Variants in U2AF2 observed in about 807,000 individuals in gnomAD.
U2AF2 encodes U2 small nuclear RNA auxiliary factor 2.
U2AF2 carries 6 observed loss-of-function variants against 52.6 expected under a neutral mutation model. That is an observed-to-expected ratio of 0.11 (90% CI 0.06 to 0.23). The LOEUF (loss-of-function observed/expected upper bound fraction) is 0.23, where lower values mean the gene tolerates loss of function less well. Ranked by LOEUF, U2AF2 falls within the 10% of genes least tolerant of loss-of-function variation. U2AF2 has a pLI of 1.00. For synonymous variants in U2AF2, 284 were observed against 258.2 expected (o/e 1.10, Z -0.96); for missense variants, 222 against 677.1 (o/e 0.33, Z 7.46).
At chr19:55,662,262 C>T (rs1303741887) in intron 5 of U2AF2, 2 of 434,500 alleles carry the variant, frequency 4.6e-6, no homozygotes, top group Non-Finnish European at 8.3e-6. Flanking sequence ...AACGCCTGTC[C>T]ATCGCCTGCC....
Position 55,663,656 on chromosome 19 carries a change from C to T in U2AF2, c.654C>T (p.Ile218=). ...TTQAMAFDGI[I]FQGQSLKIRR... ...AGGCTATGGCCTTTGATGGCATCAT[C>T]TTCCAGGGCCAGTCACTAAAGATCC... Residue 218 remains isoleucine, a synonymous_variant, in exon 7 of 12, where the codon ATC becomes ATT. Transcript: ENST00000308924. 1.2e-6 allele frequency: 2 copies of T among 1,614,176 alleles called. No individual in the cohort carries two copies. The highest frequency in any genetic ancestry group is 1.1e-5 in the South Asian group (1 of 91,088).
At chr19:55,662,208 T>G in intron 5 of U2AF2, 1 of 314,542 alleles carries the variant, frequency 3.2e-6, no homozygotes, top group Non-Finnish European at 5.9e-6. Context: ...TTGAACAATC[T>G]TCTCCTTTCC....
At chr19:55,662,651 CGT>C in intron 6 of U2AF2, 33 bp downstream of exon 6, 1 of 1,585,540 alleles carries the variant, frequency 6.3e-7, no homozygotes, top group South Asian at 1.1e-5. Flanking sequence ...GTCCAGGAAA[CGT>C]GTGTGATGTG....
At chr19:55,671,086 C>T (rs1984888994) in intron 11 of U2AF2, among the ~76,000 whole-genome samples, 1 of 152,110 alleles carries the variant, frequency 6.6e-6, no homozygotes, top group Non-Finnish European at 1.5e-5. Flanking sequence ...AGTTGGTGGC[C>T]TTTTGAAGGA....
At chr19:55,667,068 A>G (rs1984592828) in intron 7 of U2AF2, among the ~76,000 whole-genome samples, 1 of 152,060 alleles carries the variant, frequency 6.6e-6, no homozygotes, top group Non-Finnish European at 1.5e-5. Context: ...TTGTCCCTGT[A>G]GCATAGGAGC....
chr19:55,669,456 C>G lies in U2AF2; in HGVS notation c.1057C>G (p.Gln353Glu). The stretch of plus-strand genomic sequence containing the variant: ...CCTGGCCCCACAGAGCACCATCAAT[C>G]AGACGCCTGTGACCCTGCAAGTGCC... ...TLVSPPSTIN[Q>E]TPVTLQVPGL... The change falls in exon 11 of 12, where the codon CAG (glutamine) becomes GAG (glutamate). Residue 353 changes from glutamine to glutamate, a missense_variant. This residue lies in a region of U2AF2 where 71 missense variants were observed against 180.6 expected (regional missense o/e 0.39). Transcript: ENST00000308924. 1 of 1,606,728 alleles carries G rather than the reference C, an allele frequency of 6.2e-7. No homozygotes were observed. The highest frequency in any genetic ancestry group is 8.5e-7 in the Non-Finnish European group (1 of 1,175,546).
At chr19:55,659,038 C>T in intron 1 of U2AF2, 172 bp from the exon 2 acceptor site, 3 of 1,101,074 alleles carry the variant, frequency 2.7e-6, no homozygotes, top group Non-Finnish European at 3.6e-6. Context: ...CCTCATGGTC[C>T]CTGGACTCGC....
rs887884492 is a variant in U2AF2, at chr19:55,668,338, C to T, written c.743-169C>T. 6.6e-6 allele frequency among the ~76,000 whole-genome samples: 1 copy of T among 152,002 alleles called. No individual in the cohort carries two copies. Among genetic ancestry groups the T allele is most frequent in the African/African-American group, 2.4e-5 (1 of 41,380 alleles). On this transcript the variant is annotated intron_variant, in intron 7 of 11. Coordinates refer to ENST00000308924, the MANE Select transcript of U2AF2 (RefSeq NM_007279.3). The surrounding 1 kb of genome is among the most constrained non-coding windows in gnomAD (Gnocchi z 5.5). The stretch of plus-strand genomic sequence containing the variant: ...GCCTCTGTGTGCCACTGCCCAGGAC[C>T]CTCACTGGTCAGATAAGGCTGGGGT...
At chr19:55,665,634 C>T (rs963108419) in intron 7 of U2AF2, among the ~76,000 whole-genome samples, 5 of 152,206 alleles carry the variant, frequency 3.3e-5, no homozygotes, top group African/African-American at 1.2e-4. Context: ...CGCTGGCCCA[C>T]TGCCTGTTTT....
In U2AF2 at chr19:55,661,205, GC is replaced by G. The variant is rs761839029; in HGVS notation, c.486+21del. The G allele has an allele frequency of 5.5e-5, 86 of 1,567,740 alleles. No individual in the cohort carries two copies. The highest frequency in any genetic ancestry group is 6.7e-5 in the Non-Finnish European group (77 of 1,154,762). On this transcript the variant is annotated intron_variant, in intron 5 of 11. Transcript: ENST00000308924. ...CATCACTGAGGTACTGCCCTCCCCT[GC>G]CCCCTACCCTCTCCCTTGTCCCTCT...
intron 1 of U2AF2, 114 bp downstream of exon 1, chr19:55,655,267 C>T: frequency 1.7e-6 from 2 of 1,196,830 alleles, no homozygotes; most frequent in Non-Finnish European, 2.3e-6. Flanking sequence ...CGGCGCCCCC[C>T]AACCCTGGTT....
intron 7 of U2AF2, among the ~76,000 whole-genome samples, chr19:55,665,765 C>G (rs1323242879): frequency 6.6e-6 from 1 of 152,204 alleles, no homozygotes; most frequent in Non-Finnish European, 1.5e-5. Flanking sequence ...TCTCCTGCCT[C>G]AGCCTCCCGA....
chr19:55,657,888 C>T (rs1600068980), intron 1 of U2AF2, among the ~76,000 whole-genome samples: 1 of 152,148 alleles, frequency 6.6e-6, no homozygotes. Context: ...ATTATGTCAG[C>T]CCCCAGCAGT....
At chr19:55,663,552 G>T in intron 6 of U2AF2, 54 bp from the exon 7 acceptor site, 2 of 1,590,970 alleles carry the variant, frequency 1.3e-6, no homozygotes, top group Non-Finnish European at 8.6e-7. Flanking sequence ...GAACACTAGG[G>T]GCTGTACTAG....
intron 5 of U2AF2, 39 bp downstream of exon 5, chr19:55,661,228 C>T (rs1984167854): frequency 2.0e-6 from 3 of 1,507,194 alleles, no homozygotes; most frequent in Non-Finnish European, 2.7e-6. Flanking sequence ...TCCCTTGTCC[C>T]TCTACCCCGT....
At chr19:55,667,392 C>G (rs1257928320) in intron 7 of U2AF2, among the ~76,000 whole-genome samples, 1 of 152,148 alleles carries the variant, frequency 6.6e-6, no homozygotes, top group African/African-American at 2.4e-5. Context: ...GGGAGTCAGG[C>G]TGGTTGGTTA....
At chr19:55,673,906 C>T in intron 11 of U2AF2, 28 bp from the exon 12 acceptor site, 2 of 1,596,388 alleles carry the variant, frequency 1.3e-6, no homozygotes, top group Non-Finnish European at 1.7e-6. Context: ...GAGCCTTGTT[C>T]ACAAACCTGC....
chr19:55,668,803 G>C lies in U2AF2; in HGVS notation c.945+11G>C, dbSNP rs556042820. ...AACGTCACGGATCAGGTGAGTCCCC[G>C]GTCGCTGGCCGCTGCCGCGTCTGTC... On this transcript the variant is annotated intron_variant, in intron 9 of 11. Coordinates refer to ENST00000308924, the MANE Select transcript of U2AF2 (RefSeq NM_007279.3). The surrounding 1 kb of genome is among the most constrained non-coding windows in gnomAD (Gnocchi z 5.5). The C allele has an allele frequency of 6.2e-7, 1 of 1,607,022 alleles. No individual in the cohort carries two copies. Among genetic ancestry groups the C allele is most frequent in the Admixed American group, 1.7e-5 (1 of 59,738 alleles).
intron 5 of U2AF2, 32 bp downstream of exon 5, chr19:55,661,221 C>G (rs1014252727): frequency 1.3e-6 from 2 of 1,536,580 alleles, no homozygotes; most frequent in African/African-American, 1.4e-5. Flanking sequence ...TACCCTCTCC[C>G]TTGTCCCTCT....
Sources: allele counts gnomAD v4.1 joint callset (sites outside exome capture counted in the v4.1 genomes callset), GRCh38; gene constraint gnomAD v4.1.1; regional missense constraint gnomAD v4.1.1; non-coding constraint Gnocchi (gnomAD v3.1); transcripts MANE v1.5; gene names NCBI Gene and HGNC (gene_info 2026-07-23, HGNC 2026-07-21).